Variants in GPC6 observed in about 807,000 individuals in gnomAD.
GPC6 encodes the protein glypican 6, also known as glypican-6.
Under a neutral mutation model 55.2 loss-of-function variants are expected in GPC6, and 14 were observed. The observed-to-expected ratio is 0.25, with a 90% confidence interval of 0.17 to 0.40. The LOEUF is 0.40. GPC6 is among the 10% of genes least tolerant of loss of function. The pLI is 1.00. For synonymous variants in GPC6, 278 were observed against 259.6 expected, an observed-to-expected ratio of 1.07 and a Z score of -0.68; for missense variants, 641 against 708.5, an observed-to-expected ratio of 0.90 and a Z score of 1.08.
intron 3 of GPC6, among the ~76,000 whole-genome samples, chr13:94,005,478 AAC>A (rs1390241907): frequency 6.6e-6 from 1 of 152,212 alleles, no homozygotes; most frequent in African/African-American, 2.4e-5. Context: ...TAAAAGGTAC[AAC>A]ACAGAGTCCC....
chr13:93,750,177 A>T (rs1594424886), intron 2 of GPC6, among the ~76,000 whole-genome samples: 1 of 152,240 alleles, frequency 6.6e-6, no homozygotes, highest in South Asian at 2.1e-4. Flanking sequence ...GTAAAGACAA[A>T]GGAGGGCAAA....
chr13:94,372,236 C>T (rs1278743725), intron 6 of GPC6, among the ~76,000 whole-genome samples: 4 of 152,212 alleles, frequency 2.6e-5, no homozygotes, highest in East Asian at 1.9e-4. Flanking sequence ...GGAACAGCTC[C>T]AGTCTACAGC....
intron 4 of GPC6, among the ~76,000 whole-genome samples, chr13:94,038,767 G>A (rs970502395): frequency 6.6e-6 from 1 of 151,898 alleles, no homozygotes; most frequent in Non-Finnish European, 1.5e-5. Flanking sequence ...GTGAAGGTAT[G>A]AACAGAAAGT....
chr13:93,910,302 A>G (rs934242691), intron 3 of GPC6, among the ~76,000 whole-genome samples: 47 of 152,284 alleles, frequency 3.1e-4, no homozygotes, highest in African/African-American at 1.1e-3. Context: ...GCCCACCACC[A>G]TGTGAGAAGT....
chr13:94,210,639 C>G (rs1331872265), intron 4 of GPC6, among the ~76,000 whole-genome samples: 1 of 152,026 alleles, frequency 6.6e-6, no homozygotes, highest in Non-Finnish European at 1.5e-5. Context: ...ACTGTGAGAG[C>G]AGAAATTATT....
chr13:93,722,982 G>T (rs905795042), intron 2 of GPC6, among the ~76,000 whole-genome samples: 3 of 151,874 alleles, frequency 2.0e-5, no homozygotes, highest in Admixed American at 1.3e-4. Context: ...TGTCTGTGAA[G>T]ACCTTATTTT....
chr13:94,234,466 A>G (rs1205645250), intron 4 of GPC6, among the ~76,000 whole-genome samples: 1 of 151,338 alleles, frequency 6.6e-6, no homozygotes, highest in African/African-American at 2.4e-5. Flanking sequence ...TGCTACTGAA[A>G]ATATGTCTCT....
At chr13:93,857,445 G>T (rs1171469697) in intron 3 of GPC6, among the ~76,000 whole-genome samples, 2 of 151,426 alleles carry the variant, frequency 1.3e-5, no homozygotes, top group Non-Finnish European at 3.0e-5. Flanking sequence ...ATAATAAAAT[G>T]GTGCCTTTGT....
chr13:93,572,172 T>A (rs1034852024), intron 2 of GPC6, among the ~76,000 whole-genome samples: 1 of 152,168 alleles, frequency 6.6e-6, no homozygotes, highest in South Asian at 2.1e-4. Flanking sequence ...GCACAGTACC[T>A]GTAGACTTTC....
rs147486656 is a variant in GPC6, at chr13:94,287,058, G to C, written c.1008+579G>C. Among the ~76,000 whole-genome samples the C allele has an allele frequency of 3.4e-4, 52 of 152,264 alleles. No homozygotes were observed. In the East Asian group the frequency reaches 0.01, roughly 29 times the overall value. ...CATATGAGACAGAGCTCCTGGGTTT[G>C]CAGCTGTACAACACAAATGCCAGGT... On this transcript the variant is annotated intron_variant, in intron 5 of 8. Coordinates refer to ENST00000377047, the MANE Select transcript of GPC6 (RefSeq NM_005708.5).
intron 2 of GPC6, among the ~76,000 whole-genome samples, chr13:93,714,771 A>G (rs1048984533): frequency 1.3e-5 from 2 of 151,640 alleles, no homozygotes; most frequent in Non-Finnish European, 3.0e-5. Flanking sequence ...GAGAGAAGAC[A>G]TGCTGGGAGG....
intron 2 of GPC6, among the ~76,000 whole-genome samples, chr13:93,735,512 C>T (rs1883967328): frequency 1.4e-5 from 2 of 144,424 alleles, no homozygotes; most frequent in Admixed American, 7.1e-5. Flanking sequence ...CAGAGCAAGA[C>T]TCCATCTCAA....
intron 4 of GPC6, among the ~76,000 whole-genome samples, chr13:94,029,099 G>A (rs1459168186): frequency 6.6e-6 from 1 of 152,138 alleles, no homozygotes; most frequent in South Asian, 2.1e-4. Flanking sequence ...GATTTGCATA[G>A]GATAGAAAAA....
At chr13:94,221,787 A>C (rs878976378) in intron 4 of GPC6, among the ~76,000 whole-genome samples, 3 of 152,116 alleles carry the variant, frequency 2.0e-5, no homozygotes, top group Admixed American at 2.0e-4. Flanking sequence ...TGTGATTAAC[A>C]AGAGGAAAGC....
At chr13:93,596,140 G>C (rs973816972) in intron 2 of GPC6, among the ~76,000 whole-genome samples, 8 of 151,380 alleles carry the variant, frequency 5.3e-5, no homozygotes, top group African/African-American at 2.0e-4. Flanking sequence ...AATCCTCAGA[G>C]CAGACCAGGG....
intron 1 of GPC6, among the ~76,000 whole-genome samples, chr13:93,228,439 C>T (rs1277119976): frequency 6.6e-6 from 1 of 152,144 alleles, no homozygotes; most frequent in Non-Finnish European, 1.5e-5. Context: ...GGCCCCGTGT[C>T]CCCCGCATGC....
At chr13:94,326,993 G>A (rs1196496955) in intron 6 of GPC6, among the ~76,000 whole-genome samples, 5 of 152,178 alleles carry the variant, frequency 3.3e-5, no homozygotes, top group South Asian at 4.1e-4. Context: ...CAACAATAAC[G>A]TTCTCAAGGG....
intron 2 of GPC6, among the ~76,000 whole-genome samples, chr13:93,593,803 T>C (rs1201180185): frequency 6.6e-6 from 1 of 152,162 alleles, no homozygotes; most frequent in African/African-American, 2.4e-5. Context: ...TTTTGGAAGA[T>C]TGTCAAATTA....
chr13:93,243,715 G>A (rs944123609), intron 1 of GPC6, among the ~76,000 whole-genome samples: 4 of 152,184 alleles, frequency 2.6e-5, no homozygotes, highest in Non-Finnish European at 5.9e-5. Context: ...GCATGTGAGC[G>A]GGCTCAAGTC....
Sources: allele counts gnomAD v4.1 joint callset (sites outside exome capture counted in the v4.1 genomes callset), GRCh38; gene constraint gnomAD v4.1.1; transcripts MANE v1.5; gene names NCBI Gene and HGNC (gene_info 2026-07-23, HGNC 2026-07-21).